The following BRINP3 variants were observed in gnomAD, a reference collection of about 807,000 sequenced individuals.
The protein encoded by BRINP3 is BMP/retinoic acid-inducible neural-specific protein 3.
Under a neutral mutation model 71.0 loss-of-function variants are expected in BRINP3, and 19 were observed. That is an observed-to-expected ratio of 0.27 (90% confidence interval 0.19 to 0.39). The LOEUF (loss-of-function observed/expected upper bound fraction) is 0.39, where lower values mean the gene tolerates loss of function less well. Ranked by LOEUF, BRINP3 falls within the 10% of genes least tolerant of loss-of-function variation. The pLI, the probability that BRINP3 is intolerant of heterozygous loss-of-function variation, is 1.00. For missense variants in BRINP3, 959 were observed against 940.8 expected, an observed-to-expected ratio of 1.02 and a Z score of -0.25; for synonymous variants, 380 against 337.7, an observed-to-expected ratio of 1.13 and a Z score of -1.37.
intron 7 of BRINP3, among the ~76,000 whole-genome samples, chr1:190,107,009 G>T (rs1021014058): frequency 6.6e-6 from 1 of 151,688 alleles, no homozygotes; most frequent in Non-Finnish European, 1.5e-5. Flanking sequence ...TACAATCATC[G>T]TTGTTGTTCT....
At chr1:190,109,504 G>A (rs1338473451) in intron 7 of BRINP3, among the ~76,000 whole-genome samples, 1 of 152,172 alleles carries the variant, frequency 6.6e-6, no homozygotes, top group East Asian at 1.9e-4. Context: ...TGATGGCTAA[G>A]TTTTGGTGTC....
At chr1:190,413,369 A>G (rs1672814157) in intron 2 of BRINP3, among the ~76,000 whole-genome samples, 1 of 152,240 alleles carries the variant, frequency 6.6e-6, no homozygotes, top group Non-Finnish European at 1.5e-5. Flanking sequence ...GCTCAATGAT[A>G]TCAGGCCCTA....
intron 4 of BRINP3, among the ~76,000 whole-genome samples, chr1:190,257,341 T>C (rs2102843651): frequency 6.6e-6 from 1 of 152,272 alleles, no homozygotes; most frequent in Admixed American, 6.5e-5. Flanking sequence ...CTCCATCGGG[T>C]CATTTAAGGT....
chr1:190,370,610 G>A (rs563586494), intron 2 of BRINP3, among the ~76,000 whole-genome samples: 1 of 152,200 alleles, frequency 6.6e-6, no homozygotes, highest in Non-Finnish European at 1.5e-5. Flanking sequence ...CCAGACTTAT[G>A]CGAAAAGTAG....
intron 2 of BRINP3, among the ~76,000 whole-genome samples, chr1:190,311,462 ATGATT>A (rs1285539240): frequency 6.6e-6 from 1 of 151,626 alleles, no homozygotes; most frequent in Non-Finnish European, 1.5e-5. Context: ...GCAGAGTATA[ATGATT>A]AAGAATTTGA....
intron 6 of BRINP3, among the ~76,000 whole-genome samples, chr1:190,167,775 G>A (rs1256590382): frequency 6.6e-6 from 1 of 152,132 alleles, no homozygotes; most frequent in Admixed American, 6.6e-5. Context: ...CCACCCCTGT[G>A]AAGCCAATTC....
chr1:190,290,990 G>A (rs1438529062), intron 2 of BRINP3, among the ~76,000 whole-genome samples: 4 of 151,212 alleles, frequency 2.6e-5, no homozygotes, highest in African/African-American at 9.7e-5. Context: ...GAGAGAGAGA[G>A]GAAAGAGAAG....
At chr1:190,142,090 C>A (rs1655504679) in intron 7 of BRINP3, among the ~76,000 whole-genome samples, 1 of 152,054 alleles carries the variant, frequency 6.6e-6, no homozygotes, top group Non-Finnish European at 1.5e-5. Context: ...GCAAAAATTT[C>A]TTTGGACTCA....
At chr1:190,224,151 G>T (rs1361460557) in intron 6 of BRINP3, among the ~76,000 whole-genome samples, 1 of 151,326 alleles carries the variant, frequency 6.6e-6, no homozygotes, top group Non-Finnish European at 1.5e-5. Flanking sequence ...TAAAATATGT[G>T]CAGGACATCA....
chr1:190,322,131 G>A (rs1053936641), intron 2 of BRINP3, among the ~76,000 whole-genome samples: 4 of 151,894 alleles, frequency 2.6e-5, no homozygotes, highest in African/African-American at 9.7e-5. Context: ...TAAACCAAGA[G>A]ATTACATATA....
intron 6 of BRINP3, among the ~76,000 whole-genome samples, chr1:190,180,029 A>C (rs1007505039): frequency 6.6e-6 from 1 of 152,082 alleles, no homozygotes; most frequent in Non-Finnish European, 1.5e-5. Flanking sequence ...CCTTTTCCCT[A>C]ATCTTTACTG....
intron 5 of BRINP3, among the ~76,000 whole-genome samples, chr1:190,229,215 A>T (rs1404033823): frequency 6.6e-6 from 1 of 151,996 alleles, no homozygotes; most frequent in Non-Finnish European, 1.5e-5. Flanking sequence ...AATAATCCCC[A>T]CATGTCGTGG....
intron 1 of BRINP3, among the ~76,000 whole-genome samples, chr1:190,468,814 TA>T (rs1676939183): frequency 6.6e-6 from 1 of 151,092 alleles, no homozygotes. Context: ...AATTTAATTT[TA>T]AAAAGGTGTA....
At chr1:190,455,607 AT>A (rs201196540) in intron 1 of BRINP3, among the ~76,000 whole-genome samples, 1 of 151,804 alleles carries the variant, frequency 6.6e-6, no homozygotes, top group Admixed American at 6.6e-5. Context: ...CTTTTCCCAG[AT>A]TTTTTTTCAT....
rs563487278 is a variant in BRINP3, at chr1:190,370,435, CA to C, written c.236+84219del. 4.6e-5 allele frequency among the ~76,000 whole-genome samples: 7 copies of C among 152,126 alleles called. No individual in the cohort carries two copies. The South Asian group carries it at 1.4e-3, about 32-fold the overall frequency. On this transcript the variant is annotated intron_variant, in intron 2 of 7. Coordinates refer to ENST00000367462, the MANE Select transcript of BRINP3 (RefSeq NM_199051.3). Reference sequence around the variant, plus strand: ...TGTGTCCTGGAGATGATATAATTCTCAACAAACCATTAAGTAGAGTAAGCAG... The same window carrying C: ...TGTGTCCTGGAGATGATATAATTCTCACAAACCATTAAGTAGAGTAAGCAG...
intron 2 of BRINP3, among the ~76,000 whole-genome samples, chr1:190,412,093 T>C (rs1053504107): frequency 6.6e-5 from 10 of 151,584 alleles, no homozygotes; most frequent in African/African-American, 2.4e-4. Flanking sequence ...TTGGAAGAAA[T>C]AGCACTGACA....
chr1:190,111,209 C>CAAA (rs1652666259), intron 7 of BRINP3, among the ~76,000 whole-genome samples: 2 of 92,086 alleles, frequency 2.2e-5, no homozygotes, highest in African/African-American at 9.3e-5. Context: ...AAAAAAAAAA[C>CAAA]TTTAGAACTT....
chr1:190,185,117 A>G (rs1216329005), intron 6 of BRINP3, among the ~76,000 whole-genome samples: 2 of 152,158 alleles, frequency 1.3e-5, no homozygotes, highest in African/African-American at 4.8e-5. Flanking sequence ...GACTGCATCA[A>G]ATTAAACAGC....
chr1:190,171,244 C>T (rs542009318), intron 6 of BRINP3, among the ~76,000 whole-genome samples: 1 of 152,206 alleles, frequency 6.6e-6, no homozygotes, highest in South Asian at 2.1e-4. Context: ...AAGCATATTG[C>T]TGTTTTTGAT....
Sources: allele counts gnomAD v4.1 joint callset (sites outside exome capture counted in the v4.1 genomes callset), GRCh38; gene constraint gnomAD v4.1.1; transcripts MANE v1.5; gene names NCBI Gene and HGNC (gene_info 2026-07-23, HGNC 2026-07-21).